The following DYNC2LI1 variants were observed in gnomAD, a reference collection of about 807,000 sequenced individuals.
The protein encoded by DYNC2LI1 is dynein cytoplasmic 2 light intermediate chain 1.
In DYNC2LI1, 45 loss-of-function variants were observed where a neutral mutation model predicts 51.9. The ratio of observed to expected loss-of-function variants is 0.87; its 90% CI spans 0.68 to 1.11. DYNC2LI1 has a LOEUF of 1.11. DYNC2LI1 is among the 50% of genes most tolerant of loss of function. The pLI is 0.00. For missense variants in DYNC2LI1, 490 were observed against 417.4 expected, an observed-to-expected ratio of 1.17 and a Z score of -1.51; for synonymous variants, 130 against 137.8, an observed-to-expected ratio of 0.94 and a Z score of 0.40.
the DYNC2LI1 span, chr2:43,824,007 A>G: frequency 6.2e-7 from 1 of 1,614,162 alleles, no homozygotes; most frequent in South Asian, 1.1e-5. Context: ...CCTTTAGCAC[A>G]TTGCTTCGGA....
At chr2:43,823,504 C>G in the DYNC2LI1 span, among the ~76,000 whole-genome samples, 1 of 152,164 alleles carries the variant, frequency 6.6e-6, no homozygotes, top group African/African-American at 2.4e-5. Flanking sequence ...CTCTGGAATT[C>G]CACTGAATTT....
chr2:43,786,689 G>A (rs758763266), intron 3 of DYNC2LI1, among the ~76,000 whole-genome samples: 1 of 152,172 alleles, frequency 6.6e-6, no homozygotes, highest in Non-Finnish European at 1.5e-5. Context: ...AGCTGGGCCT[G>A]GTGGCGGGTG....
chr2:43,822,469 C>CA, the DYNC2LI1 span: 3 of 815,098 alleles, frequency 3.7e-6, no homozygotes, highest in Non-Finnish European at 4.3e-6. Context: ...GCTTTCTCCC[C>CA]TCCCCCAGGC....
downstream of DYNC2LI1, among the ~76,000 whole-genome samples, chr2:43,813,866 G>A (rs531674434): frequency 1.2e-4 from 18 of 151,570 alleles, no homozygotes; most frequent in South Asian, 3.3e-3. Context: ...TTACAGGCAC[G>A]CACCACCACG....
At chr2:43,793,057 AT>A (rs34741836) in intron 5 of DYNC2LI1, 2 of 282,408 alleles carry the variant, frequency 7.1e-6, no homozygotes, top group Non-Finnish European at 1.3e-5. Flanking sequence ...TCTATGGTGA[AT>A]TTTTTGAGGA....
the DYNC2LI1 span, among the ~76,000 whole-genome samples, chr2:43,820,830 A>G: frequency 2.7e-4 from 41 of 151,834 alleles, no homozygotes; most frequent in African/African-American, 9.9e-4. Flanking sequence ...ATTTTTTTGT[A>G]TTTAGTAGAG....
chr2:43,792,868 A>G, intron 5 of DYNC2LI1: 1 of 1,416,240 alleles, frequency 7.1e-7, no homozygotes, highest in Admixed American at 2.8e-5. Context: ...TCCATTGTGT[A>G]AACAAATACC....
At chr2:43,808,274 A>AAC (rs1553365673) in intron 12 of DYNC2LI1, among the ~76,000 whole-genome samples, 2 of 151,882 alleles carry the variant, frequency 1.3e-5, no homozygotes, top group Middle Eastern at 3.4e-3. Flanking sequence ...GAAAAAAAAA[A>AAC]ACACACAAGG....
intron 6 of DYNC2LI1, 166 bp downstream of exon 6, chr2:43,794,809 A>G (rs1648547087): frequency 4.1e-6 from 6 of 1,472,212 alleles, no homozygotes; most frequent in Non-Finnish European, 5.4e-6. Context: ...CCTCAGTAAG[A>G]GCAAAACAAG....
At chr2:43,800,963 A>G in intron 9 of DYNC2LI1, 46 bp downstream of exon 9, 1 of 1,326,564 alleles carries the variant, frequency 7.5e-7, no homozygotes, top group Non-Finnish European at 1.1e-6. Flanking sequence ...TGATTGATTT[A>G]GCCAATGTTG....
In DYNC2LI1 at chr2:43,776,801, G is replaced by A; in HGVS notation, c.28G>A (p.Ala10Thr). The A allele has an allele frequency of 6.3e-7, 1 of 1,584,828 alleles. No individual in the cohort carries two copies. Among genetic ancestry groups the A allele is most frequent in the African/African-American group, 1.4e-5 (1 of 73,496 alleles). The part of the protein sequence containing the change: MPSETLWEI[A>T]KAEVEKRGIN... The stretch of plus-strand genomic sequence containing the variant: ...ATGTAGTGAAACTCTCTGGGAAATT[G>A]CAAAAGCTGAAGTGGAAAAAAGGGG... Residue 10 changes from alanine (A) to threonine (T), a missense_variant, in exon 2 of 13, where the codon GCA becomes ACA. Ala to Thr is a moderately conservative substitution (Grantham distance 58). Coordinates refer to ENST00000260605, the MANE Select transcript of DYNC2LI1 (RefSeq NM_016008.4).
chr2:43,823,798 G>T, the DYNC2LI1 span: 3 of 1,232,742 alleles, frequency 2.4e-6, no homozygotes, highest in Non-Finnish European at 3.4e-6. Flanking sequence ...ACCTGGAGAG[G>T]GCTGGGTTTA....
chr2:43,828,074 T>G, the DYNC2LI1 span: 10 of 1,614,014 alleles, frequency 6.2e-6, no homozygotes, highest in East Asian at 1.8e-4. Flanking sequence ...TCAGTCGGTC[T>G]GCCACATGGC....
At chr2:43,813,365 A>G, downstream of DYNC2LI1, 1 of 1,302,238 alleles carries the variant, frequency 7.7e-7, no homozygotes, top group Non-Finnish European at 1.1e-6. Flanking sequence ...TAATTTAATC[A>G]ACAAGTATTT....
chr2:43,801,325 C>G, intron 9 of DYNC2LI1: 1 of 183,194 alleles, frequency 5.5e-6, no homozygotes, highest in South Asian at 1.6e-4. Flanking sequence ...TAGCTTCCCT[C>G]TACTATCACT....
intron 10 of DYNC2LI1, 27 bp downstream of exon 10, chr2:43,801,736 A>G (rs376383343): frequency 1.6e-5 from 25 of 1,553,136 alleles, no homozygotes; most frequent in African/African-American, 4.1e-5. Context: ...AGATTGTTCA[A>G]TCTTTTTTTA....
chr2:43,783,550 G>C lies in DYNC2LI1; in HGVS notation c.157G>C (p.Asp53His), dbSNP rs1443857445. 1.3e-6 allele frequency: 2 copies of C among 1,531,666 alleles called. No individual in the cohort carries two copies. The highest frequency in any genetic ancestry group is 1.7e-6 in the Non-Finnish European group (2 of 1,144,898). The allele number at this position is 1,531,666 out of a possible 1,614,324, so 94.9% of individuals were successfully genotyped here. A position where few individuals can be genotyped will look rare whatever the true frequency, so the allele number is the denominator to read the frequency against. ...GKTTIILRCL[D>H]RDEPPKPTLA... ...GACTACTATTATTCTAAGGTGTCTT[G>C]ACAGGTAAGTGTTATGTTAACCTTT... Residue 53 changes from aspartate to histidine, a missense_variant, in exon 3 of 13, where the codon GAC becomes CAC. By Grantham distance (81) the Asp-to-His change is moderately conservative. Transcript: ENST00000260605.
chr2:43,824,753 T>A, the DYNC2LI1 span: 1 of 1,462,716 alleles, frequency 6.8e-7, no homozygotes, highest in South Asian at 1.3e-5. Context: ...CCCGGCCAAA[T>A]TGATTCCTTG....
At chr2:43,813,094 A>AT (rs1289970215), downstream of DYNC2LI1, 1 of 984,282 alleles carries the variant, frequency 1.0e-6, no homozygotes, top group Admixed American at 1.7e-5. Flanking sequence ...CTTCACTTCC[A>AT]TTTTCCCAGC....
Sources: allele counts gnomAD v4.1 joint callset (sites outside exome capture counted in the v4.1 genomes callset), GRCh38; gene constraint gnomAD v4.1.1; transcripts MANE v1.5; gene names NCBI Gene and HGNC (gene_info 2026-07-23, HGNC 2026-07-21).